The following MGAT4C variants were observed in gnomAD, a reference collection of about 807,000 sequenced individuals.
MGAT4C encodes the protein alpha-1,3-mannosyl-glycoprotein 4-beta-N-acetylglucosaminyltransferase C.
In MGAT4C, 19 loss-of-function variants were observed where a neutral mutation model predicts 40.1. That is an observed-to-expected ratio of 0.47 (90% CI 0.33 to 0.70). The LOEUF is 0.70. Ranked by LOEUF, MGAT4C falls within the 30% of genes least tolerant of loss-of-function variation. MGAT4C has a pLI of 0.02. For missense variants in MGAT4C, 491 were observed against 563.2 expected (o/e 0.87, Z 1.30); for synonymous variants, 181 against 187.1 (o/e 0.97, Z 0.27).
chr12:85,982,754 T>C (rs1179699156), intron 4 of MGAT4C, among the ~76,000 whole-genome samples: 1 of 152,192 alleles, frequency 6.6e-6, no homozygotes, highest in Admixed American at 6.5e-5. Flanking sequence ...ATTTTATTAG[T>C]AAATTTGATC....
At position 86,360,954 on chromosome 12, in the gene MGAT4C, G is replaced by A. The variant is rs945392496; in HGVS notation, c.-119-26827C>T. Reference sequence around the variant, plus strand: ...TCAATGCCATCCCCATCAAGCTACTGATGACTTTCTTCACAGAATTGGAAA... The same window carrying A: ...TCAATGCCATCCCCATCAAGCTACTAATGACTTTCTTCACAGAATTGGAAA... On this transcript the variant is annotated intron_variant, in intron 3 of 7. Transcript: ENST00000548651. Among the ~76,000 whole-genome samples, 9 of 152,198 alleles carry A rather than the reference G, an allele frequency of 5.9e-5. No homozygotes were observed. The South Asian group carries it at 1.9e-3, about 32-fold the overall frequency.
At chr12:86,465,931 G>A (rs1050625762) in intron 2 of MGAT4C, among the ~76,000 whole-genome samples, 2 of 152,068 alleles carry the variant, frequency 1.3e-5, no homozygotes, top group Admixed American at 6.5e-5. Context: ...AATGTAGGCC[G>A]GGAGTGGTGG....
chr12:86,241,897 G>T (rs1951804303), intron 1 of MGAT4C, among the ~76,000 whole-genome samples: 1 of 152,022 alleles, frequency 6.6e-6, no homozygotes, highest in Non-Finnish European at 1.5e-5. Flanking sequence ...CTCTTCCTGA[G>T]CCTTGCCTGA....
rs530280699 is a variant in MGAT4C at position 86,785,091 on chromosome 12, G to T, written c.-262+53575C>A. ...TTTACATGGTTTCATCAAATGAAAGGCACCATTAGCTGCCAGGAATAACTC... is the reference window on the plus strand; with the variant it reads ...TTTACATGGTTTCATCAAATGAAAGTCACCATTAGCTGCCAGGAATAACTC... On this transcript the variant is annotated intron_variant, in intron 1 of 7. Transcript: ENST00000548651. 7.9e-5 allele frequency among the ~76,000 whole-genome samples: 12 copies of T among 151,984 alleles called. No homozygotes were observed. The East Asian group carries it at 9.7e-4, about 12-fold the overall frequency.
intron 1 of MGAT4C, among the ~76,000 whole-genome samples, chr12:86,772,068 C>A (rs761609441): frequency 6.6e-6 from 1 of 152,142 alleles, no homozygotes; most frequent in South Asian, 2.1e-4. Context: ...ATCCATACTG[C>A]AAAAAATCAG....
chr12:86,070,387 G>C (rs1894970588), intron 1 of MGAT4C, among the ~76,000 whole-genome samples: 1 of 151,692 alleles, frequency 6.6e-6, no homozygotes, highest in Non-Finnish European at 1.5e-5. Context: ...CTGATTGTTT[G>C]CTAGTCACCT....
At chr12:86,186,604 G>T (rs999471220) in intron 1 of MGAT4C, among the ~76,000 whole-genome samples, 1 of 152,140 alleles carries the variant, frequency 6.6e-6, no homozygotes, top group African/African-American at 2.4e-5. Context: ...TGAGTGAGGA[G>T]CACTCATCTT....
At chr12:86,506,715 C>T (rs372051962) in intron 2 of MGAT4C, among the ~76,000 whole-genome samples, 1 of 152,104 alleles carries the variant, frequency 6.6e-6, no homozygotes, top group Non-Finnish European at 1.5e-5. Flanking sequence ...TCAAGAAATG[C>T]AGAATTAGTC....
intron 1 of MGAT4C, among the ~76,000 whole-genome samples, chr12:86,128,795 T>G (rs566129373): frequency 2.6e-4 from 39 of 152,328 alleles, no homozygotes; most frequent in Non-Finnish European, 4.9e-4. Context: ...TTTAGAATTT[T>G]TATAGATTCA....
intron 2 of MGAT4C, among the ~76,000 whole-genome samples, chr12:86,529,685 T>A (rs746222493): frequency 1.3e-3 from 192 of 152,152 alleles, no homozygotes; most frequent in Non-Finnish European, 1.0e-3. Flanking sequence ...TCCTTTTTTT[T>A]ATGTTTCCAT....
chr12:86,291,653 G>A (rs1953521269), intron 4 of MGAT4C, among the ~76,000 whole-genome samples: 1 of 152,140 alleles, frequency 6.6e-6, no homozygotes, highest in Non-Finnish European at 1.5e-5. Context: ...GGATCCAGGG[G>A]CAGAATAAAT....
At chr12:86,258,019 GATA>G (rs1952572104), upstream of MGAT4C, among the ~76,000 whole-genome samples, 1 of 151,632 alleles carries the variant, frequency 6.6e-6, no homozygotes, top group Non-Finnish European at 1.5e-5. Context: ...ATAAATATAA[GATA>G]ATTAATATTA....
intron 2 of MGAT4C, among the ~76,000 whole-genome samples, chr12:86,597,905 A>G (rs1323890170): frequency 1.3e-5 from 2 of 151,988 alleles, no homozygotes; most frequent in South Asian, 2.1e-4. Flanking sequence ...CTGCCATCTC[A>G]TTGTAATGGG....
intron 2 of MGAT4C, among the ~76,000 whole-genome samples, chr12:86,610,424 TA>T (rs1370625686): frequency 6.6e-6 from 1 of 152,172 alleles, no homozygotes; most frequent in African/African-American, 2.4e-5. Flanking sequence ...AATATAAAGC[TA>T]AACATTATCC....
At chr12:85,980,484 G>C in intron 4 of MGAT4C, 54 bp from the exon 5 acceptor site, 1 of 1,444,782 alleles carries the variant, frequency 6.9e-7, no homozygotes, top group South Asian at 1.4e-5. Context: ...TATGGAAAAA[G>C]TAAAAGAGAG....
At chr12:86,246,246 C>T (rs944831214) in intron 1 of MGAT4C, among the ~76,000 whole-genome samples, 6 of 127,242 alleles carry the variant, frequency 4.7e-5, no homozygotes, top group African/African-American at 1.8e-4. Context: ...AGCGCAGTGG[C>T]TTGATCTCCG....
At chr12:86,265,225 T>C (rs1345038119) in intron 4 of MGAT4C, among the ~76,000 whole-genome samples, 1 of 152,022 alleles carries the variant, frequency 6.6e-6, no homozygotes, top group East Asian at 1.9e-4. Flanking sequence ...TCCAGGCCAG[T>C]AGCGCGAGCC....
In MGAT4C at chr12:86,625,132, G is replaced by A. The variant is rs541087207; in HGVS notation, c.-229+102077C>T. ...GGCTATTCATAAGTGGCTCTTTTTA[G>A]GGGGCTTTTTAAAGGGGCTCTTCCC... On this transcript the variant is annotated intron_variant, in intron 2 of 7. Transcript: ENST00000548651. Among the ~76,000 whole-genome samples the A allele has an allele frequency of 4.6e-5, 7 of 152,090 alleles. No individual in the cohort carries two copies. The East Asian group carries it at 1.2e-3, about 25-fold the overall frequency.
chr12:86,501,184 C>T (rs1244977567), intron 2 of MGAT4C, among the ~76,000 whole-genome samples: 5 of 151,782 alleles, frequency 3.3e-5, no homozygotes, highest in Non-Finnish European at 7.4e-5. Flanking sequence ...CACAAAAATA[C>T]ATTCTGAGTT....
Sources: gnomAD v4.1 joint callset for allele counts (sites outside exome capture counted in the v4.1 genomes callset) on GRCh38, gnomAD v4.1.1 for gene constraint, MANE v1.5 for transcripts, NCBI Gene and HGNC (gene_info 2026-07-23, HGNC 2026-07-21) for gene names.